The following DLG2 variants were observed in gnomAD, a reference collection of about 807,000 sequenced individuals.
The protein encoded by DLG2 is discs large MAGUK scaffold protein 2.
A neutral mutation model predicts 132.5 loss-of-function variants in DLG2; 45 were observed. That is an observed-to-expected ratio of 0.34 (90% CI 0.27 to 0.44). The LOEUF (loss-of-function observed/expected upper bound fraction) is 0.44, where lower values mean the gene tolerates loss of function less well. Among genes scored for constraint, DLG2 ranks in the 20% least tolerant of loss-of-function variants. DLG2 has a pLI of 1.00. For synonymous variants in DLG2, 424 were observed against 419.6 expected, an observed-to-expected ratio of 1.01 and a Z score of -0.13; for missense variants, 1,045 against 1,196.9, an observed-to-expected ratio of 0.87 and a Z score of 1.87.
chr11:83,529,485 G>A lies in DLG2; in HGVS notation c.2193+3223C>T, dbSNP rs147606617. On this transcript the variant is annotated intron_variant, in intron 21 of 27. Transcript: ENST00000376104. ...GTAAATCTTATGGAGAGTTACTAACGTAAGGCACCTTAAAAAATCATTGAA... is the reference window on the plus strand; with the variant it reads ...GTAAATCTTATGGAGAGTTACTAACATAAGGCACCTTAAAAAATCATTGAA... Among the ~76,000 whole-genome samples, 28 of 152,142 alleles carry A rather than the reference G, an allele frequency of 1.8e-4. 2 individuals carry two copies. Among genetic ancestry groups the A allele is most frequent in the African/African-American group, 6.7e-4 (28 of 41,538 alleles).
chr11:83,548,468 A>G (rs1332508231), intron 19 of DLG2, among the ~76,000 whole-genome samples: 1 of 152,186 alleles, frequency 6.6e-6, no homozygotes, highest in Non-Finnish European at 1.5e-5. Context: ...ACAGAGGACA[A>G]GAAACAACAT....
rs145965218 is a variant in DLG2 at position 83,603,358 on chromosome 11, A to G, written c.1940+29853T>C. Among the ~76,000 whole-genome samples the G allele has an allele frequency of 3.3e-5, 5 of 152,234 alleles. No homozygotes were observed. The East Asian group carries it at 5.8e-4, about 18-fold the overall frequency. ...TTTTGGCCCATCCATGTTGATGTAT[A>G]TAACAGTTCTTCATTCATTCTCACA... On this transcript the variant is annotated intron_variant, in intron 19 of 27. Transcript: ENST00000376104.
chr11:85,537,843 G>A (rs186281345), intron 3 of DLG2, among the ~76,000 whole-genome samples: 28 of 152,148 alleles, frequency 1.8e-4, no homozygotes, highest in Admixed American at 9.8e-4. Context: ...GCGGCCAGGC[G>A]TGGTGGCTCA....
intron 18 of DLG2, among the ~76,000 whole-genome samples, chr11:83,678,162 G>C (rs574706890): frequency 6.6e-6 from 1 of 152,114 alleles, no homozygotes; most frequent in Admixed American, 6.6e-5. Flanking sequence ...AACTAGAAAA[G>C]CCAATGTCTT....
chr11:83,580,361 GA>G (rs71066052), intron 19 of DLG2, among the ~76,000 whole-genome samples: 77,488 of 148,876 alleles, frequency 0.52, 21,310 homozygotes, highest in African/African-American at 0.71. Context: ...CAACTTTTAG[GA>G]AAAAAAAAAA....
chr11:84,928,728 T>A (rs1000165110), intron 6 of DLG2, among the ~76,000 whole-genome samples: 2 of 151,566 alleles, frequency 1.3e-5, no homozygotes, highest in Non-Finnish European at 3.0e-5. Flanking sequence ...GCATCCTCCT[T>A]GGGATTTTCC....
In DLG2 at chr11:85,165,949, C is replaced by T. The variant is rs1289606314; in HGVS notation, c.187-11298G>A. On this transcript the variant is annotated intron_variant, in intron 4 of 27. Coordinates refer to ENST00000376104, the MANE Select transcript of DLG2 (RefSeq NM_001142699.3). ...CCAAATGAAAAGCCTGTGCAGCTAA[C>T]TACTACACTAAACTCCTGAACCACA... Among the ~76,000 whole-genome samples, 5 of 152,244 alleles carry T rather than the reference C, an allele frequency of 3.3e-5. No homozygotes were observed. The South Asian group carries it at 1.0e-3, about 32-fold the overall frequency.
chr11:84,793,287 A>G (rs1241586995), intron 6 of DLG2, among the ~76,000 whole-genome samples: 1 of 152,108 alleles, frequency 6.6e-6, no homozygotes, highest in Non-Finnish European at 1.5e-5. Context: ...TATTATTTCA[A>G]TTTTTTAAAT....
chr11:84,851,998 T>C (rs1195319542), intron 6 of DLG2, among the ~76,000 whole-genome samples: 1 of 152,010 alleles, frequency 6.6e-6, no homozygotes, highest in Non-Finnish European at 1.5e-5. Context: ...AAGTAAATGA[T>C]TTAAGCTTGG....
chr11:85,002,508 T>C (rs2058304800), intron 6 of DLG2, among the ~76,000 whole-genome samples: 1 of 152,204 alleles, frequency 6.6e-6, no homozygotes, highest in Non-Finnish European at 1.5e-5. Flanking sequence ...TGATAATTGA[T>C]CTTTAATTTG....
chr11:84,867,469 C>CT (rs1195218046), intron 6 of DLG2, among the ~76,000 whole-genome samples: 2 of 152,192 alleles, frequency 1.3e-5, no homozygotes, highest in Non-Finnish European at 2.9e-5. Flanking sequence ...GACCCAAATA[C>CT]TCACCATGCT....
chr11:84,636,125 G>A (rs573140603), intron 6 of DLG2, among the ~76,000 whole-genome samples: 13 of 152,262 alleles, frequency 8.5e-5, no homozygotes, highest in Middle Eastern at 3.4e-3. Context: ...GGACAATGCA[G>A]ATTAAGTTTT....
intron 16 of DLG2, among the ~76,000 whole-genome samples, chr11:83,841,024 C>T (rs2057406264): frequency 1.3e-5 from 2 of 152,122 alleles, no homozygotes; most frequent in Non-Finnish European, 2.9e-5. Flanking sequence ...ACATTTTGAG[C>T]CTAGCTGCTT....
At chr11:84,941,144 T>G (rs1442846365) in intron 6 of DLG2, among the ~76,000 whole-genome samples, 1 of 152,216 alleles carries the variant, frequency 6.6e-6, no homozygotes, top group African/African-American at 2.4e-5. Flanking sequence ...GTAGTATAAT[T>G]TGAAGTCAGG....
chr11:83,573,521 A>T (rs939866792), intron 19 of DLG2, among the ~76,000 whole-genome samples: 1 of 152,180 alleles, frequency 6.6e-6, no homozygotes, highest in Admixed American at 6.6e-5. Context: ...TTTATAGAAC[A>T]GACTAACAAT....
intron 4 of DLG2, among the ~76,000 whole-genome samples, chr11:85,163,236 C>T (rs906401770): frequency 5.3e-5 from 8 of 151,890 alleles, no homozygotes; most frequent in African/African-American, 1.9e-4. Flanking sequence ...CACACACACA[C>T]ACACACACTA....
intron 6 of DLG2, among the ~76,000 whole-genome samples, chr11:84,874,893 C>T (rs2086084327): frequency 6.6e-6 from 1 of 151,872 alleles, no homozygotes; most frequent in Non-Finnish European, 1.5e-5. Flanking sequence ...TGGTGTCAGG[C>T]ACCTGTAATC....
At chr11:83,536,907 G>A (rs529964130) in intron 20 of DLG2, among the ~76,000 whole-genome samples, 20 of 152,208 alleles carry the variant, frequency 1.3e-4, no homozygotes, top group South Asian at 4.2e-4. Flanking sequence ...TAAAAGTCTA[G>A]CATCACTTTT....
chr11:85,450,480 A>G (rs151173682), intron 3 of DLG2, among the ~76,000 whole-genome samples: 103 of 152,232 alleles, frequency 6.8e-4, no homozygotes, highest in African/African-American at 2.4e-3. Flanking sequence ...ACCACCTACA[A>G]TTCTATTTCC....
Sources: gnomAD v4.1 joint callset for allele counts (sites outside exome capture counted in the v4.1 genomes callset) on GRCh38, gnomAD v4.1.1 for gene constraint, MANE v1.5 for transcripts, NCBI Gene and HGNC (gene_info 2026-07-23, HGNC 2026-07-21) for gene names.